The following DCC variants were observed in gnomAD, a reference collection of about 807,000 sequenced individuals.
The protein encoded by DCC is netrin receptor DCC.
Under a neutral mutation model 172.5 loss-of-function variants are expected in DCC, and 58 were observed. The observed-to-expected ratio is 0.34, with a 90% confidence interval of 0.27 to 0.42. The LOEUF is 0.42. Among genes scored for constraint, DCC ranks in the 10% least tolerant of loss-of-function variants. The pLI, the probability that DCC is intolerant of heterozygous loss-of-function variation, is 1.00. For synonymous variants in DCC, 709 were observed against 644.5 expected (o/e 1.10, Z -1.52); for missense variants, 1,740 against 1,791.0 (o/e 0.97, Z 0.51).
chr18:53,096,316 A>G (rs1431628258), intron 7 of DCC, among the ~76,000 whole-genome samples: 2 of 152,132 alleles, frequency 1.3e-5, no homozygotes, highest in African/African-American at 2.4e-5. Flanking sequence ...TTTAGCCTAG[A>G]TGACAGTGAG....
At chr18:52,818,569 C>T (rs1318234112) in intron 2 of DCC, among the ~76,000 whole-genome samples, 1 of 151,930 alleles carries the variant, frequency 6.6e-6, no homozygotes, top group African/African-American at 2.4e-5. Flanking sequence ...ATGCAAATGG[C>T]CTGCTCTGGG....
intron 5 of DCC, among the ~76,000 whole-genome samples, chr18:52,950,764 A>C (rs1446991982): frequency 6.6e-6 from 1 of 151,346 alleles, no homozygotes; most frequent in Non-Finnish European, 1.5e-5. Context: ...CTCTACTAAA[A>C]ATAGAAAAAA....
chr18:53,406,482 ATCACCTGAGGTCATGAGT>A (rs1330014799), intron 19 of DCC, among the ~76,000 whole-genome samples: 1 of 151,982 alleles, frequency 6.6e-6, no homozygotes, highest in African/African-American at 2.4e-5. Context: ...AGGTGGGAGG[ATCACCTGAGGTCATGAGT>A]TCAAAACCAG....
chr18:53,050,625 G>C (rs1415317327), intron 5 of DCC, among the ~76,000 whole-genome samples: 1 of 151,990 alleles, frequency 6.6e-6, no homozygotes, highest in African/African-American at 2.4e-5. Context: ...CATTGATTTT[G>C]TATCTTGAAA....
intron 12 of DCC, among the ~76,000 whole-genome samples, chr18:53,261,790 C>T (rs144632861): frequency 3.3e-5 from 5 of 152,124 alleles, no homozygotes; most frequent in African/African-American, 7.2e-5. Flanking sequence ...TGAGCCACTG[C>T]GACCGGCCAT....
At chr18:52,740,774 T>G (rs1300779923) in intron 1 of DCC, among the ~76,000 whole-genome samples, 1 of 152,232 alleles carries the variant, frequency 6.6e-6, no homozygotes, top group African/African-American at 2.4e-5. Context: ...TCTTGGTCTC[T>G]TGGCACCTTC....
intron 24 of DCC, among the ~76,000 whole-genome samples, chr18:53,461,835 T>G (rs1386717697): frequency 6.6e-6 from 1 of 152,192 alleles, no homozygotes; most frequent in African/African-American, 2.4e-5. Context: ...GAAATTTAAT[T>G]AAAGATTCTC....
intron 12 of DCC, among the ~76,000 whole-genome samples, chr18:53,273,584 C>T (rs759177056): frequency 4.9e-4 from 74 of 152,058 alleles, no homozygotes; most frequent in Non-Finnish European, 1.0e-3. Context: ...TATTAAATTT[C>T]ATGAGTGTTG....
intron 2 of DCC, among the ~76,000 whole-genome samples, chr18:52,802,726 G>C (rs1016493691): frequency 4.2e-5 from 5 of 120,304 alleles, no homozygotes; most frequent in Admixed American, 3.3e-4. Flanking sequence ...GACTGGTCTT[G>C]AACTCCTGGG....
At chr18:53,415,879 G>A (rs1272874278) in intron 20 of DCC, among the ~76,000 whole-genome samples, 2 of 151,910 alleles carry the variant, frequency 1.3e-5, no homozygotes, top group Admixed American at 6.6e-5. Flanking sequence ...TATGTTTAGA[G>A]GGATATGAAA....
chr18:53,440,000 C>T (rs975115111), intron 22 of DCC, among the ~76,000 whole-genome samples: 6 of 151,352 alleles, frequency 4.0e-5, no homozygotes, highest in Admixed American at 3.9e-4. Context: ...CTCTTGACCT[C>T]GTGATCCGCC....
chr18:52,853,077 G>T (rs2039001943), intron 2 of DCC, among the ~76,000 whole-genome samples: 2 of 151,958 alleles, frequency 1.3e-5, no homozygotes, highest in South Asian at 2.1e-4. Context: ...TATATTAATT[G>T]TTCAATTCCA....
intron 1 of DCC, among the ~76,000 whole-genome samples, chr18:52,558,295 GA>G (rs1297069706): frequency 6.6e-6 from 1 of 151,368 alleles, no homozygotes; most frequent in Non-Finnish European, 1.5e-5. Context: ...TTATTACTTG[GA>G]AAAATAATAT....
chr18:53,386,545 C>G (rs1908182269), intron 16 of DCC, among the ~76,000 whole-genome samples: 2 of 152,168 alleles, frequency 1.3e-5, no homozygotes, highest in South Asian at 4.1e-4. Flanking sequence ...TAGACACTTG[C>G]TTCTCCACAC....
intron 12 of DCC, among the ~76,000 whole-genome samples, chr18:53,297,091 G>A (rs1161895642): frequency 6.6e-6 from 1 of 152,036 alleles, no homozygotes; most frequent in Non-Finnish European, 1.5e-5. Flanking sequence ...TTTATGAAAT[G>A]TGGCTTCTGA....
intron 12 of DCC, among the ~76,000 whole-genome samples, chr18:53,268,625 T>A (rs1378275023): frequency 2.6e-5 from 4 of 152,104 alleles, no homozygotes; most frequent in East Asian, 1.9e-4. Flanking sequence ...TGAAAAAAAA[T>A]GGCGAGATTC....
intron 1 of DCC, among the ~76,000 whole-genome samples, chr18:52,397,811 C>T (rs1055207021): frequency 1.3e-5 from 2 of 151,922 alleles, no homozygotes; most frequent in Non-Finnish European, 2.9e-5. Context: ...TAAGCCTCTC[C>T]ATCTGTATTT....
intron 2 of DCC, among the ~76,000 whole-genome samples, chr18:52,808,063 G>T (rs560919120): frequency 1.1e-4 from 17 of 152,284 alleles, no homozygotes; most frequent in Non-Finnish European, 2.4e-4. Context: ...CATCAAATGT[G>T]ATGCCTTCAT....
chr18:52,848,082 A>ATTTTTTTTTTTT (rs11291428), intron 2 of DCC, among the ~76,000 whole-genome samples: 1 of 127,392 alleles, frequency 7.8e-6, no homozygotes, highest in Non-Finnish European at 1.6e-5. Flanking sequence ...GACTTTTCTA[A>ATTTTTTTTTTTT]TTTTTTTTTT....
Sources: allele counts gnomAD v4.1 joint callset (sites outside exome capture counted in the v4.1 genomes callset), GRCh38; gene constraint gnomAD v4.1.1; transcripts MANE v1.5; gene names NCBI Gene and HGNC (gene_info 2026-07-23, HGNC 2026-07-21).